The following PTPRD variants were observed in gnomAD, a reference collection of about 807,000 sequenced individuals.
PTPRD encodes the protein protein tyrosine phosphatase receptor type D.
PTPRD carries 34 observed loss-of-function variants against 214.5 expected under a neutral mutation model. The observed-to-expected ratio is 0.16, with a 90% CI of 0.12 to 0.21. The LOEUF is 0.21. Ranked by LOEUF, PTPRD falls within the 10% of genes least tolerant of loss-of-function variation. The probability of loss-of-function intolerance (pLI) is 1.00; values close to 1 mark genes in which losing one functional copy is unlikely to be tolerated. For missense variants in PTPRD, 2,545 were observed against 2,398.7 expected (o/e 1.06, Z -1.27); for synonymous variants, 1,128 against 845.7 (o/e 1.33, Z -5.79).
intron 3 of PTPRD, among the ~76,000 whole-genome samples, chr9:10,268,865 C>A (rs2094253129): frequency 6.6e-6 from 1 of 152,154 alleles, no homozygotes; most frequent in African/African-American, 2.4e-5. Context: ...ATATATTCGC[C>A]CATCTAGGGC....
intron 9 of PTPRD, among the ~76,000 whole-genome samples, chr9:9,285,398 T>C (rs1031818506): frequency 4.0e-5 from 6 of 151,812 alleles, no homozygotes; most frequent in East Asian, 2.0e-4. Context: ...GACTCATCTA[T>C]TCTAAAATTT....
rs181833464 is a variant in PTPRD, at chr9:8,840,532, T to C, written c.-103-106586A>G. 6.6e-4 allele frequency among the ~76,000 whole-genome samples: 100 copies of C among 152,324 alleles called. 1 individual carries two copies. Among genetic ancestry groups the C allele is most frequent in the African/African-American group, 2.3e-3 (94 of 41,580 alleles). On this transcript the variant is annotated intron_variant, in intron 11 of 45. Coordinates refer to ENST00000381196, the MANE Select transcript of PTPRD (RefSeq NM_002839.4). ...TATTAGCAGTGTGAAAGCGGACTAA[T>C]ACAATATTTTCTTTCAAATGACCCC...
intron 10 of PTPRD, among the ~76,000 whole-genome samples, chr9:9,066,572 C>T (rs762467412): frequency 6.6e-6 from 1 of 152,042 alleles, no homozygotes; most frequent in Non-Finnish European, 1.5e-5. Context: ...AAAAGTTTTG[C>T]AGATGTGACT....
rs185067125 is a variant in PTPRD, at chr9:9,194,367, C to T, written c.-202-11004G>A. Among the ~76,000 whole-genome samples, 28 of 152,182 alleles carry T rather than the reference C, an allele frequency of 1.8e-4. No homozygotes were observed. The East Asian group carries it at 4.8e-3, about 26-fold the overall frequency. The stretch of plus-strand genomic sequence containing the variant: ...TTAATACATAAACTAGTAACATAGT[C>T]GTTTATTATCACTATCAATTATGTA... On this transcript the variant is annotated intron_variant, in intron 9 of 45. Transcript: ENST00000381196.
intron 32 of PTPRD, among the ~76,000 whole-genome samples, chr9:8,462,891 T>C (rs972809002): frequency 5.3e-5 from 8 of 151,834 alleles, no homozygotes; most frequent in African/African-American, 1.9e-4. Context: ...TCCTAGAAGG[T>C]AGGGATTTAT....
intron 9 of PTPRD, among the ~76,000 whole-genome samples, chr9:9,239,839 T>C (rs78863367): frequency 6.6e-6 from 1 of 152,134 alleles, no homozygotes; most frequent in Non-Finnish European, 1.5e-5. Flanking sequence ...TTGTGCTCTA[T>C]CCCTGGTATG....
intron 2 of PTPRD, among the ~76,000 whole-genome samples, chr9:10,399,591 A>G (rs2098235807): frequency 6.6e-6 from 1 of 151,842 alleles, no homozygotes; most frequent in African/African-American, 2.4e-5. Flanking sequence ...GTGATGGTAT[A>G]ATTCATTAGA....
chr9:10,113,220 G>A (rs1001711211), intron 3 of PTPRD, among the ~76,000 whole-genome samples: 4 of 152,152 alleles, frequency 2.6e-5, no homozygotes, highest in Admixed American at 2.6e-4. Flanking sequence ...ACTGTTTCCA[G>A]TGCTTTCATA....
At chr9:9,819,410 A>G (rs767384399) in intron 5 of PTPRD, among the ~76,000 whole-genome samples, 1 of 152,178 alleles carries the variant, frequency 6.6e-6, no homozygotes, top group Non-Finnish European at 1.5e-5. Flanking sequence ...GATATGATTC[A>G]CCTTTGGTTT....
chr9:8,617,110 A>G (rs2095638391), intron 14 of PTPRD, among the ~76,000 whole-genome samples: 2 of 152,164 alleles, frequency 1.3e-5, no homozygotes, highest in African/African-American at 4.8e-5. Context: ...AGATAAAAAT[A>G]TATTTTCATT....
intron 14 of PTPRD, among the ~76,000 whole-genome samples, chr9:8,566,439 A>C (rs1221895868): frequency 1.3e-5 from 2 of 152,176 alleles, no homozygotes; most frequent in Non-Finnish European, 2.9e-5. Flanking sequence ...AGCATATCAA[A>C]AGCTGATCAT....
intron 21 of PTPRD, among the ~76,000 whole-genome samples, chr9:8,509,810 G>A (rs1250286131): frequency 1.3e-5 from 2 of 152,042 alleles, no homozygotes; most frequent in African/African-American, 4.8e-5. Flanking sequence ...AATGACTTAA[G>A]TAGGCACATC....
intron 2 of PTPRD, among the ~76,000 whole-genome samples, chr9:10,401,224 G>A (rs2098264371): frequency 6.6e-6 from 1 of 151,516 alleles, no homozygotes; most frequent in Non-Finnish European, 1.5e-5. Context: ...CTTTGCACTT[G>A]CAATTGTGCT....
chr9:9,923,123 G>GGGTGTGT (rs1555340191), intron 5 of PTPRD, among the ~76,000 whole-genome samples: 1 of 144,960 alleles, frequency 6.9e-6, no homozygotes, highest in African/African-American at 2.6e-5. Flanking sequence ...GTGTGTGGGG[G>GGGTGTGT]GTGTGTGTGT....
chr9:10,341,286 C>T (rs541912350), intron 2 of PTPRD, among the ~76,000 whole-genome samples: 3 of 151,874 alleles, frequency 2.0e-5, no homozygotes, highest in South Asian at 2.1e-4. Flanking sequence ...AAATGCCAAA[C>T]GCTAGGCCAC....
chr9:9,394,341 C>T (rs1392542274), intron 9 of PTPRD, among the ~76,000 whole-genome samples: 1 of 152,096 alleles, frequency 6.6e-6, no homozygotes, highest in East Asian at 1.9e-4. Flanking sequence ...ATTTTATTGC[C>T]TTTAGTGCTC....
At chr9:10,003,071 G>A (rs2096372118) in intron 4 of PTPRD, among the ~76,000 whole-genome samples, 1 of 151,658 alleles carries the variant, frequency 6.6e-6, no homozygotes, top group South Asian at 2.1e-4. Flanking sequence ...TAAAATAAAG[G>A]CACTATGAAA....
intron 11 of PTPRD, among the ~76,000 whole-genome samples, chr9:8,858,842 GAC>G (rs779235425): frequency 1.0e-5 from 1 of 98,554 alleles, no homozygotes; most frequent in Non-Finnish European, 2.4e-5. Context: ...CACACACACA[GAC>G]ACACAGACAC....
chr9:10,405,813 C>G (rs146142012), intron 2 of PTPRD, among the ~76,000 whole-genome samples: 1 of 150,996 alleles, frequency 6.6e-6, no homozygotes, highest in East Asian at 2.0e-4. Flanking sequence ...CAAGGGAAGA[C>G]GATAGGCATC....
Sources: allele counts gnomAD v4.1 joint callset (sites outside exome capture counted in the v4.1 genomes callset), GRCh38; gene constraint gnomAD v4.1.1; transcripts MANE v1.5; gene names NCBI Gene and HGNC (gene_info 2026-07-23, HGNC 2026-07-21).